Variants in PTK2B observed in about 807,000 individuals in gnomAD.
PTK2B encodes protein-tyrosine kinase 2-beta.
Under a neutral mutation model 142.9 loss-of-function variants are expected in PTK2B, and 71 were observed. The observed-to-expected ratio is 0.50, with a 90% CI of 0.41 to 0.61. The LOEUF (loss-of-function observed/expected upper bound fraction) is 0.61, where lower values mean the gene tolerates loss of function less well. PTK2B is among the 20% of genes least tolerant of loss of function. The probability of loss-of-function intolerance (pLI) is 0.00; values close to 1 mark genes in which losing one functional copy is unlikely to be tolerated. For synonymous variants in PTK2B, 519 were observed against 503.4 expected, an observed-to-expected ratio of 1.03 and a Z score of -0.42; for missense variants, 1,105 against 1,320.4, an observed-to-expected ratio of 0.84 and a Z score of 2.53.
intron 3 of PTK2B, among the ~76,000 whole-genome samples, chr8:27,318,451 A>C (rs988701610): frequency 6.6e-6 from 1 of 152,176 alleles, no homozygotes; most frequent in Non-Finnish European, 1.5e-5. Flanking sequence ...CCAAAGTCAT[A>C]GAGCTGATTC....
intron 2 of PTK2B, among the ~76,000 whole-genome samples, chr8:27,406,572 C>T (rs1008364137): frequency 2.0e-5 from 3 of 152,276 alleles, no homozygotes; most frequent in Middle Eastern, 3.4e-3. Context: ...CCCCAGGAGC[C>T]GTTCCACACC....
At chr8:27,345,646 A>T (rs1025282771) in intron 1 of PTK2B, among the ~76,000 whole-genome samples, 2 of 152,210 alleles carry the variant, frequency 1.3e-5, no homozygotes, top group African/African-American at 4.8e-5. Context: ...TGACATTTGG[A>T]TGATGGGACC....
At chr8:27,341,617 C>T (rs1191532502) in intron 1 of PTK2B, among the ~76,000 whole-genome samples, 4 of 152,162 alleles carry the variant, frequency 2.6e-5, no homozygotes, top group African/African-American at 9.7e-5. Context: ...CACTGCAGCC[C>T]TTCAGCATAG....
chr8:27,328,283 G>C (rs1378904134), intron 1 of PTK2B, among the ~76,000 whole-genome samples: 1 of 152,196 alleles, frequency 6.6e-6, no homozygotes, highest in Non-Finnish European at 1.5e-5. Flanking sequence ...TGGCTGTCAT[G>C]ATTCCCAGTT....
intron 26 of PTK2B, among the ~76,000 whole-genome samples, 172 bp from the exon 27 acceptor site, chr8:27,451,313 G>A (rs543279792): frequency 1.3e-4 from 20 of 152,018 alleles, no homozygotes; most frequent in Non-Finnish European, 2.5e-4. Context: ...AGGGCCCCTC[G>A]GCCTCCCAGA....
intron 3 of PTK2B, among the ~76,000 whole-genome samples, chr8:27,313,578 C>G (rs540601587): frequency 1.8e-4 from 27 of 152,184 alleles, no homozygotes; most frequent in Non-Finnish European, 3.2e-4. Flanking sequence ...TCATTCTTCC[C>G]TCAGTGTGAG....
At chr8:27,339,818 G>A (rs1804287646) in intron 1 of PTK2B, among the ~76,000 whole-genome samples, 1 of 152,222 alleles carries the variant, frequency 6.6e-6, no homozygotes, top group Non-Finnish European at 1.5e-5. Flanking sequence ...TTCAGAATTA[G>A]GAGTTCAGGT....
intron 1 of PTK2B, among the ~76,000 whole-genome samples, chr8:27,371,821 T>G (rs1052005478): frequency 6.6e-6 from 1 of 152,212 alleles, no homozygotes; most frequent in African/African-American, 2.4e-5. Flanking sequence ...GTGCTGAGAT[T>G]TCAGGCATTA....
chr8:27,384,674 T>C (rs1412796882), intron 1 of PTK2B, among the ~76,000 whole-genome samples: 1 of 152,162 alleles, frequency 6.6e-6, no homozygotes, highest in Non-Finnish European at 1.5e-5. Flanking sequence ...ACAATTTCAG[T>C]TTAAAATATT....
intron 1 of PTK2B, among the ~76,000 whole-genome samples, chr8:27,351,582 T>C (rs1381816199): frequency 6.6e-6 from 1 of 151,978 alleles, no homozygotes; most frequent in African/African-American, 2.4e-5. Context: ...TCCAAAAATA[T>C]CCTTTACCAA....
chr8:27,415,715 A>C (rs531662251), intron 2 of PTK2B, among the ~76,000 whole-genome samples: 14 of 152,256 alleles, frequency 9.2e-5, no homozygotes, highest in Non-Finnish European at 1.8e-4. Context: ...CAGAGCAGCA[A>C]GAAGATTAGC....
intron 2 of PTK2B, among the ~76,000 whole-genome samples, chr8:27,403,101 A>G (rs910702491): frequency 1.3e-5 from 2 of 152,160 alleles, no homozygotes; most frequent in African/African-American, 4.8e-5. Context: ...TTCTTTTTGC[A>G]GTCTCCTTTC....
At chr8:27,450,324 A>T (rs1211743128) in intron 24 of PTK2B, among the ~76,000 whole-genome samples, 1 of 152,184 alleles carries the variant, frequency 6.6e-6, no homozygotes, top group East Asian at 1.9e-4. Flanking sequence ...AACTAAGCAA[A>T]GCCAGCCCCT....
chr8:27,394,377 G>A (rs1043335996), intron 1 of PTK2B, among the ~76,000 whole-genome samples: 3 of 152,206 alleles, frequency 2.0e-5, no homozygotes, highest in Non-Finnish European at 4.4e-5. Context: ...TTACTGTACT[G>A]AATGCTGTAG....
chr8:27,451,007 A>G (rs1563302567), intron 25 of PTK2B, 36 bp from the exon 26 acceptor site: 1 of 1,610,376 alleles, frequency 6.2e-7, no homozygotes, highest in South Asian at 1.1e-5. Context: ...CAGCTCCAGA[A>G]TTCTTAGTCC....
At chr8:27,369,618 C>T (rs1470391387) in intron 1 of PTK2B, among the ~76,000 whole-genome samples, 2 of 151,462 alleles carry the variant, frequency 1.3e-5, no homozygotes, top group East Asian at 1.9e-4. Context: ...TGCAGTGAGC[C>T]GAGATCGTGC....
intron 5 of PTK2B, among the ~76,000 whole-genome samples, chr8:27,426,428 C>A (rs796147983): frequency 1.3e-5 from 2 of 152,180 alleles, no homozygotes; most frequent in African/African-American, 4.8e-5. Context: ...TCAGTGTTGG[C>A]GGTCCAGGCA....
intron 1 of PTK2B, among the ~76,000 whole-genome samples, chr8:27,361,462 G>A (rs932460572): frequency 6.6e-6 from 1 of 152,106 alleles, no homozygotes; most frequent in Non-Finnish European, 1.5e-5. Flanking sequence ...GGCCTCAAGC[G>A]ATGCTCCCAC....
chr8:27,385,278 G>A (rs1226795317), intron 1 of PTK2B, among the ~76,000 whole-genome samples: 1 of 152,234 alleles, frequency 6.6e-6, no homozygotes, highest in East Asian at 1.9e-4. Context: ...TGGAGAGCTG[G>A]AGGAAGAGGA....
Sources: gnomAD v4.1 joint callset for allele counts (sites outside exome capture counted in the v4.1 genomes callset) on GRCh38, gnomAD v4.1.1 for gene constraint, MANE v1.5 for transcripts, NCBI Gene and HGNC (gene_info 2026-07-23, HGNC 2026-07-21) for gene names.